The following PCNX2 variants were observed in gnomAD, a reference collection of about 807,000 sequenced individuals.
PCNX2 encodes pecanex-like protein 2.
Under a neutral mutation model 223.8 loss-of-function variants are expected in PCNX2, and 168 were observed. The ratio of observed to expected loss-of-function variants is 0.75; its 90% confidence interval spans 0.66 to 0.85. The LOEUF (loss-of-function observed/expected upper bound fraction) is 0.85, where lower values mean the gene tolerates loss of function less well. Ranked by LOEUF, PCNX2 falls within the 40% of genes least tolerant of loss-of-function variation. The probability of loss-of-function intolerance (pLI) is 0.00; values close to 1 mark genes in which losing one functional copy is unlikely to be tolerated. For missense variants in PCNX2, 2,507 were observed against 2,675.5 expected (o/e 0.94, Z 1.39); for synonymous variants, 1,006 against 1,052.6 (o/e 0.96, Z 0.86).
chr1:233,309,740 T>C, the PCNX2 span, among the ~76,000 whole-genome samples: 2 of 151,658 alleles, frequency 1.3e-5, no homozygotes, highest in Non-Finnish European at 2.9e-5. Context: ...TAGACAGGCA[T>C]GGTGGTGGGC....
At chr1:233,106,033 A>C (rs893597371) in intron 21 of PCNX2, among the ~76,000 whole-genome samples, 2 of 152,116 alleles carry the variant, frequency 1.3e-5, no homozygotes, top group African/African-American at 4.8e-5. Flanking sequence ...GCCATTGAGG[A>C]AGGAAGCAAG....
At chr1:233,045,864 G>A (rs763391759) in intron 25 of PCNX2, among the ~76,000 whole-genome samples, 4 of 152,248 alleles carry the variant, frequency 2.6e-5, no homozygotes, top group Non-Finnish European at 5.9e-5. Flanking sequence ...GCCAAGAAGT[G>A]ACTCCTTCAC....
chr1:233,319,568 T>G, the PCNX2 span, among the ~76,000 whole-genome samples: 2 of 152,222 alleles, frequency 1.3e-5, no homozygotes, highest in Non-Finnish European at 2.9e-5. Flanking sequence ...TCATTTGCCT[T>G]TAGTAACATC....
At chr1:233,039,870 C>G (rs1671582466) in intron 25 of PCNX2, among the ~76,000 whole-genome samples, 2 of 152,106 alleles carry the variant, frequency 1.3e-5, no homozygotes, top group African/African-American at 4.8e-5. Flanking sequence ...CACTCAAACA[C>G]AAATATAACT....
intron 25 of PCNX2, chr1:233,025,777 C>T (rs1002911840): frequency 2.3e-5 from 5 of 220,778 alleles, no homozygotes; most frequent in Non-Finnish European, 4.5e-5. Flanking sequence ...CTGGTCCAGG[C>T]TTGTTTCCTC....
At chr1:232,999,598 C>T in intron 30 of PCNX2, 1 of 517,616 alleles carries the variant, frequency 1.9e-6, no homozygotes, top group African/African-American at 1.9e-5. Context: ...GAATTACAGG[C>T]ATGTGCCAAC....
intron 25 of PCNX2, among the ~76,000 whole-genome samples, chr1:233,027,676 G>A (rs1671130258): frequency 6.6e-6 from 1 of 152,188 alleles, no homozygotes; most frequent in Non-Finnish European, 1.5e-5. Context: ...GGGCCAGAGA[G>A]TAAATATTTT....
At chr1:233,155,283 G>A (rs538013281) in intron 19 of PCNX2, among the ~76,000 whole-genome samples, 12 of 152,154 alleles carry the variant, frequency 7.9e-5, no homozygotes, top group Non-Finnish European at 1.5e-4. Flanking sequence ...CCTGCAGGGC[G>A]GAACCTAGTG....
intron 8 of PCNX2, among the ~76,000 whole-genome samples, chr1:233,243,588 T>G (rs1410722924): frequency 6.6e-6 from 1 of 152,156 alleles, no homozygotes; most frequent in Non-Finnish European, 1.5e-5. Context: ...ATAAATCAAC[T>G]CATAAAAGCA....
chr1:233,001,633 G>A lies in PCNX2; in HGVS notation c.5001C>T (p.Phe1667=). 5 of 1,594,004 alleles carry A rather than the reference G, an allele frequency of 3.1e-6. No homozygotes were observed. Among genetic ancestry groups the A allele is most frequent in the Non-Finnish European group, 4.3e-6 (5 of 1,168,546 alleles). The change falls in exon 29 of 34, where the codon TTC becomes TTT. Residue 1667 remains phenylalanine, a synonymous_variant. Transcript: ENST00000258229. This position sits in a 1 kb window ranked among gnomAD's most constrained non-coding sequence, Gnocchi z 4.2. ...YGLHVLFKGD[F]RITARDEWVF... ...CCCACTCGTCACGTGCTGTTATTCT[G>A]AAGTCACCTTTGAAGAGGACATGGA... is the stretch of plus-strand genomic sequence containing the variant.
rs1670029748 is a variant in PCNX2, at chr1:233,000,144, C to T, written c.5328+161G>A. On this transcript the variant is annotated intron_variant, in intron 30 of 33. Transcript: ENST00000258229. The surrounding 1 kb of genome is among the most constrained non-coding windows in gnomAD (Gnocchi z 4.6). Reference sequence around the variant, plus strand: ...GCACCCAGCCTGGCACCATGCCCTGCCCCACTTGCCAGCCAGCGCTCCTTC... The same window carrying T: ...GCACCCAGCCTGGCACCATGCCCTGTCCCACTTGCCAGCCAGCGCTCCTTC... Among the ~76,000 whole-genome samples, 1 of 152,156 alleles carries T rather than the reference C, an allele frequency of 6.6e-6. No individual in the cohort carries two copies.
chr1:233,105,281 A>T (rs191801710), intron 21 of PCNX2, among the ~76,000 whole-genome samples: 4 of 152,344 alleles, frequency 2.6e-5, no homozygotes, highest in African/African-American at 4.8e-5. Context: ...CACAAAATTG[A>T]GAAAGTAAAA....
chr1:233,318,487 T>C, the PCNX2 span, among the ~76,000 whole-genome samples: 1 of 151,962 alleles, frequency 6.6e-6, no homozygotes, highest in African/African-American at 2.4e-5. Flanking sequence ...CATTGTTCTG[T>C]GTCTCTATGA....
At chr1:232,984,594 G>A (rs1669399027) in intron 33 of PCNX2, 117 bp from the exon 34 acceptor site, 1 of 1,194,938 alleles carries the variant, frequency 8.4e-7, no homozygotes, top group South Asian at 1.5e-5. Context: ...CCATATCCTT[G>A]AGGTCAGGTT....
At chr1:233,186,312 T>C (rs1000986926) in intron 15 of PCNX2, among the ~76,000 whole-genome samples, 1 of 152,136 alleles carries the variant, frequency 6.6e-6, no homozygotes, top group Admixed American at 6.5e-5. Context: ...ATAAGTCCTA[T>C]TTCTAGGTCT....
chr1:233,322,624 G>GA, the PCNX2 span, among the ~76,000 whole-genome samples: 1 of 152,168 alleles, frequency 6.6e-6, no homozygotes, highest in Admixed American at 6.5e-5. Context: ...ACCTAACCTA[G>GA]AAGATTCTGC....
intron 15 of PCNX2, among the ~76,000 whole-genome samples, chr1:233,182,818 C>T (rs1413910059): frequency 6.6e-6 from 1 of 152,142 alleles, no homozygotes; most frequent in Non-Finnish European, 1.5e-5. Flanking sequence ...CTCAGTGCTG[C>T]CTCCTCTGAC....
chr1:233,142,621 T>C (rs527398683), intron 19 of PCNX2, among the ~76,000 whole-genome samples: 1 of 152,332 alleles, frequency 6.6e-6, no homozygotes, highest in East Asian at 1.9e-4. Flanking sequence ...CTTGGAAAGC[T>C]TGTCAATATC....
chr1:233,308,474 GAAAGAAAAAGAA>G, the PCNX2 span, among the ~76,000 whole-genome samples: 968 of 149,032 alleles, frequency 6.5e-3, 21 homozygotes, highest in East Asian at 0.064. Context: ...ACAAAAAAAA[GAAAGAAAAAGAA>G]AAAGAAAAAG....
Sources: allele counts gnomAD v4.1 joint callset (sites outside exome capture counted in the v4.1 genomes callset), GRCh38; gene constraint gnomAD v4.1.1; non-coding constraint Gnocchi (gnomAD v3.1); transcripts MANE v1.5; gene names NCBI Gene and HGNC (gene_info 2026-07-23, HGNC 2026-07-21).